MMRN1: variants seen among roughly 807,000 people sequenced by gnomAD.
MMRN1 encodes the protein multimerin 1.
In MMRN1, 94 loss-of-function variants were observed where a neutral mutation model predicts 100.7. The observed-to-expected ratio is 0.93, with a 90% confidence interval of 0.79 to 1.11. The LOEUF (loss-of-function observed/expected upper bound fraction) is 1.11. MMRN1 is among the 50% of genes least tolerant of loss of function. MMRN1 has a pLI of 0.00. For synonymous variants in MMRN1, 575 were observed against 505.0 expected, an observed-to-expected ratio of 1.14 and a Z score of -1.86; for missense variants, 1,606 against 1,439.1, an observed-to-expected ratio of 1.12 and a Z score of -1.88.
chr4:89,912,610 C>T (rs1045076821), intron 3 of MMRN1, among the ~76,000 whole-genome samples: 10 of 150,650 alleles, frequency 6.6e-5, no homozygotes, highest in African/African-American at 1.7e-4. Flanking sequence ...CATGGTAACC[C>T]GCTGTGGCCT....
intron 1 of MMRN1, among the ~76,000 whole-genome samples, chr4:89,905,739 C>G (rs1225720775): frequency 6.6e-6 from 1 of 151,476 alleles, no homozygotes; most frequent in Admixed American, 6.6e-5. Context: ...AAAGTCTCCC[C>G]CAGAAACAAA....
Position 89,950,242 on chromosome 4 carries a change from A to G in MMRN1, c.3119-1363A>G, listed in dbSNP as rs1018258736. ...TTACAATTTATTTAACAAGTCCTGC[A>G]TCAGTGATCATTTAGGAGTCTTTAA... is the stretch of plus-strand genomic sequence containing the variant. On this transcript the variant is annotated intron_variant, in intron 6 of 7. Transcript: ENST00000264790. Among the ~76,000 whole-genome samples, 23 of 152,312 alleles carry G rather than the reference A, an allele frequency of 1.5e-4. No homozygotes were observed. In the South Asian group the frequency reaches 1.9e-3, roughly 12 times the overall value.
chr4:89,916,149 T>A (rs1721907561), intron 3 of MMRN1, among the ~76,000 whole-genome samples: 1 of 149,796 alleles, frequency 6.7e-6, no homozygotes, highest in Non-Finnish European at 1.5e-5. Flanking sequence ...ATGCAAGTAC[T>A]GAACTCCAGT....
intron 1 of MMRN1, among the ~76,000 whole-genome samples, chr4:89,905,353 A>C (rs78885203): frequency 0.015 from 2,327 of 151,576 alleles, 35 homozygotes; most frequent in Middle Eastern, 0.061. Context: ...ATATGAATAA[A>C]TTATTCTCTT....
intron 1 of MMRN1, among the ~76,000 whole-genome samples, chr4:89,907,740 A>G (rs75260318): frequency 0.027 from 4,098 of 150,984 alleles, 85 homozygotes; most frequent in Non-Finnish European, 0.04. Context: ...TTTAATTCAC[A>G]TATTGTATAC....
chr4:89,934,732 T>A, intron 5 of MMRN1, 78 bp from the exon 6 acceptor site: 1 of 807,814 alleles, frequency 1.2e-6, no homozygotes, highest in East Asian at 3.1e-5. Flanking sequence ...ATGTTTAATT[T>A]CAAACTTTTT....
In MMRN1 at chr4:89,909,281, G is replaced by C. The variant is rs1205336197; in HGVS notation, c.629G>C (p.Trp210Ser). 15 of 1,592,588 alleles carry C rather than the reference G, an allele frequency of 9.4e-6. No individual in the cohort carries two copies. Among genetic ancestry groups the C allele is most frequent in the Non-Finnish European group, 1.3e-5 (15 of 1,169,684 alleles). Residue 210 changes from tryptophan to serine, a missense_variant, in exon 2 of 8, where the codon TGG (tryptophan) becomes TCG (serine). Transcript: ENST00000264790. Reference protein sequence around the residue: ...SNFETTRGKNWCAYVHTRLSP... With the variant: ...SNFETTRGKNSCAYVHTRLSP... ...ACAATTATGATCTTCTTTAGGAATT[G>C]GTGTGCTTATGTACATACCAGGTTA...
chr4:89,952,932 A>C (rs1723224642), intron 7 of MMRN1, 65 bp from the exon 8 acceptor site: 1 of 1,368,112 alleles, frequency 7.3e-7, no homozygotes, highest in African/African-American at 2.3e-5. Context: ...AATGACGAAG[A>C]TATAAGGAAA....
chr4:89,904,786 G>A (rs895579570), intron 1 of MMRN1, among the ~76,000 whole-genome samples: 1 of 151,598 alleles, frequency 6.6e-6, no homozygotes, highest in Non-Finnish European at 1.5e-5. Context: ...CATGTACTCT[G>A]ACTAGTGTTG....
chr4:89,880,662 G>A (rs1464287169), intron 1 of MMRN1, among the ~76,000 whole-genome samples: 5 of 152,092 alleles, frequency 3.3e-5, no homozygotes, highest in Admixed American at 1.3e-4. Flanking sequence ...TTTAAGAATT[G>A]ATAAATTATA....
intron 3 of MMRN1, among the ~76,000 whole-genome samples, chr4:89,915,614 C>A (rs1234173623): frequency 6.6e-6 from 1 of 151,274 alleles, no homozygotes; most frequent in African/African-American, 2.4e-5. Context: ...AAAAAAGCAT[C>A]TAATAAGGAA....
chr4:89,886,845 CT>C (rs912424792), intron 1 of MMRN1, among the ~76,000 whole-genome samples: 4 of 151,930 alleles, frequency 2.6e-5, no homozygotes, highest in Admixed American at 6.6e-5. Context: ...TTTATCATTT[CT>C]TTGTGTTATG....
chr4:89,891,722 T>G (rs1721059417), upstream of MMRN1, among the ~76,000 whole-genome samples: 1 of 152,044 alleles, frequency 6.6e-6, no homozygotes, highest in African/African-American at 2.4e-5. Flanking sequence ...GCTCTAAAAT[T>G]TGTTTTCTTC....
At chr4:89,911,535 T>G (rs534801719) in intron 2 of MMRN1, among the ~76,000 whole-genome samples, 1 of 151,374 alleles carries the variant, frequency 6.6e-6, no homozygotes, top group Non-Finnish European at 1.5e-5. Context: ...TTGATACTGA[T>G]CTGGAGGAAA....
Position 89,935,414 on chromosome 4 carries a change from C to T in MMRN1, c.1734C>T (p.Thr578=), listed in dbSNP as rs199727168. 6.9e-5 allele frequency: 112 copies of T among 1,613,358 alleles called. 1 individual carries two copies. Among genetic ancestry groups the T allele is most frequent in the African/African-American group, 4.5e-4 (34 of 74,998 alleles). The change falls in exon 6 of 8, where the codon ACC becomes ACT. Residue 578 remains threonine, a synonymous_variant. Coordinates refer to ENST00000264790, the MANE Select transcript of MMRN1 (RefSeq NM_007351.3). ...HIQESKINNL[T]VSLEMEKESL... is the part of the protein sequence containing the mutation. ...AAGAAAGCAAGATTAACAATCTCAC[C>T]GTCTCTTTGGAGATGGAGAAAGAGT... is the stretch of plus-strand genomic sequence containing the variant.
chr4:89,948,456 G>T (rs1313437428), intron 6 of MMRN1, among the ~76,000 whole-genome samples: 1 of 152,130 alleles, frequency 6.6e-6, no homozygotes, highest in African/African-American at 2.4e-5. Flanking sequence ...AATAATAATT[G>T]TAAATTCATG....
At position 89,888,550 on chromosome 4, in the gene MMRN1, C is replaced by T. The variant is rs991576815; in HGVS notation, c.-248-6174C>T. 8.6e-5 allele frequency among the ~76,000 whole-genome samples: 13 copies of T among 150,866 alleles called. 1 individual carries two copies. The highest frequency in any genetic ancestry group is 3.2e-4 in the African/African-American group (13 of 41,090). On this transcript the variant is annotated intron_variant, in intron 1 of 8. Transcript: ENST00000394980. ...TTTTGTCCTATTTAGTCTCTCTTTT[C>T]TTCTTTATTCCCTCCATTTATAGGT...
At chr4:89,888,965 T>G (rs1720993611) in intron 1 of MMRN1, among the ~76,000 whole-genome samples, 1 of 152,118 alleles carries the variant, frequency 6.6e-6, no homozygotes, top group Non-Finnish European at 1.5e-5. Flanking sequence ...TTTTCTTATT[T>G]TTTATTTGTC....
Position 89,953,342 on chromosome 4 carries a change from G to T in MMRN1, c.3611G>T (p.Arg1204Leu). ...AATTATGGGCAGGAAGTCTGGTTAC[G>T]ACTTGCAAAAGGAACAATTCCAGCC... The part of the protein sequence containing the change: ...ELNYGQEVWL[R>L]LAKGTIPAKF... Residue 1204 changes from arginine (R) to leucine (L), a missense_variant, in exon 8 of 8, where the codon CGA (arginine) becomes CTA (leucine). Physicochemically the swap from Arg to Leu is moderately radical, Grantham distance 102. Coordinates refer to ENST00000264790, the MANE Select transcript of MMRN1 (RefSeq NM_007351.3). 1.9e-6 allele frequency: 3 copies of T among 1,613,670 alleles called. No homozygotes were observed. Among genetic ancestry groups the T allele is most frequent in the Non-Finnish European group, 2.5e-6 (3 of 1,179,752 alleles).
Sources: gnomAD v4.1 joint callset for allele counts (sites outside exome capture counted in the v4.1 genomes callset) on GRCh38, gnomAD v4.1.1 for gene constraint, MANE v1.5 for transcripts, NCBI Gene and HGNC (gene_info 2026-07-23, HGNC 2026-07-21) for gene names.